Variants in MBD5 observed in about 807,000 individuals in gnomAD.
The protein encoded by MBD5 is methyl-CpG-binding domain protein 5.
MBD5 carries 13 observed loss-of-function variants against 117.3 expected under a neutral mutation model. The ratio of observed to expected loss-of-function variants is 0.11; its 90% confidence interval spans 0.07 to 0.18. MBD5 has a LOEUF of 0.18. MBD5 is among the 10% of genes least tolerant of loss of function. The pLI, the probability that MBD5 is intolerant of heterozygous loss-of-function variation, is 1.00. For synonymous variants in MBD5, 727 were observed against 766.4 expected (o/e 0.95, Z 0.85); for missense variants, 1,879 against 2,093.8 (o/e 0.90, Z 2.00).
At chr2:148,361,584 A>G (rs1703533953) in intron 4 of MBD5, among the ~76,000 whole-genome samples, 1 of 152,218 alleles carries the variant, frequency 6.6e-6, no homozygotes, top group Non-Finnish European at 1.5e-5. Context: ...GATCTAGGCT[A>G]TGAAACAAGA....
chr2:148,023,975 C>T (rs79155403), intron 1 of MBD5, among the ~76,000 whole-genome samples: 312 of 152,180 alleles, frequency 2.1e-3, no homozygotes, highest in African/African-American at 7.0e-3. Context: ...CTACCTATTG[C>T]TGAAGTTCTA....
intron 4 of MBD5, among the ~76,000 whole-genome samples, chr2:148,437,180 A>G (rs1352900718): frequency 2.6e-5 from 4 of 151,728 alleles, no homozygotes; most frequent in African/African-American, 9.7e-5. Context: ...ATGGGGTTTC[A>G]CCATATTAGC....
At chr2:148,429,647 C>T (rs1254878846) in intron 4 of MBD5, among the ~76,000 whole-genome samples, 5 of 152,070 alleles carry the variant, frequency 3.3e-5, no homozygotes, top group Non-Finnish European at 7.4e-5. Context: ...ACATATACAC[C>T]ATGGAATGCT....
intron 3 of MBD5, among the ~76,000 whole-genome samples, chr2:148,303,272 G>A (rs1487523078): frequency 6.6e-6 from 1 of 152,160 alleles, no homozygotes; most frequent in Non-Finnish European, 1.5e-5. Flanking sequence ...AGGTTGCCCT[G>A]CCAGAAAATC....
intron 1 of MBD5, chr2:148,054,352 A>T (rs1276383480): frequency 6.6e-6 from 1 of 152,254 alleles, no homozygotes; most frequent in African/African-American, 2.4e-5. Context: ...ATGAAATTTT[A>T]AAAGTTAGTT....
intron 3 of MBD5, among the ~76,000 whole-genome samples, chr2:148,255,389 C>T (rs115486952): frequency 0.013 from 1,955 of 152,254 alleles, 36 homozygotes; most frequent in African/African-American, 0.044. Context: ...CTGGCCATTC[C>T]CCTATGAGCA....
At chr2:148,309,484 TG>T (rs1479825652) in intron 3 of MBD5, among the ~76,000 whole-genome samples, 1 of 152,070 alleles carries the variant, frequency 6.6e-6, no homozygotes, top group Non-Finnish European at 1.5e-5. Context: ...GATTTTTGCA[TG>T]TTGACTTTGT....
chr2:148,384,473 C>A (rs372184377), intron 4 of MBD5, among the ~76,000 whole-genome samples: 1 of 152,006 alleles, frequency 6.6e-6, no homozygotes, highest in Non-Finnish European at 1.5e-5. Flanking sequence ...GATACAAACA[C>A]ATGGAAGAAC....
chr2:148,478,620 C>G (rs550903602), intron 8 of MBD5, among the ~76,000 whole-genome samples: 2 of 152,254 alleles, frequency 1.3e-5, no homozygotes, highest in Non-Finnish European at 2.9e-5. Flanking sequence ...CCTCATTGGA[C>G]TAGACTGTCT....
At chr2:148,323,025 G>A (rs1014824113) in intron 3 of MBD5, among the ~76,000 whole-genome samples, 1 of 145,164 alleles carries the variant, frequency 6.9e-6, no homozygotes, top group African/African-American at 2.5e-5. Flanking sequence ...TCCCCAGACT[G>A]TGATGTTCCC....
In MBD5 at chr2:148,514,956, A is replaced by G. The variant is rs1682310983; in HGVS notation, c.*2015A>G. The G allele has an allele frequency of 2.6e-5, 4 of 152,154 alleles. No homozygotes were observed. In the South Asian group the frequency reaches 6.2e-4, roughly 24 times the overall value. The allele number at this position is 152,154 out of a possible 1,614,324, so 9.4% of individuals were successfully genotyped here. A position where few individuals can be genotyped will look rare whatever the true frequency, so the allele number is the denominator to read the frequency against. The stretch of plus-strand genomic sequence containing the variant: ...GTAGGTTCATTTTGTCTCTCTTGTA[A>G]TGGTGGGATTGCCTGCCCAGTTCCT... On this transcript the variant is annotated 3_prime_UTR_variant, in exon 14 of 14. Transcript: ENST00000642680.
At chr2:148,134,234 A>AGATCGATC (rs55672306) in intron 1 of MBD5, among the ~76,000 whole-genome samples, 3 of 151,174 alleles carry the variant, frequency 2.0e-5, no homozygotes, top group African/African-American at 7.3e-5. Context: ...ATAGATAGAT[A>AGATCGATC]GATCGATCGA....
At chr2:148,441,861 G>C (rs1227278253) in intron 4 of MBD5, among the ~76,000 whole-genome samples, 1 of 152,152 alleles carries the variant, frequency 6.6e-6, no homozygotes, top group Admixed American at 6.5e-5. Context: ...GGCCAGTGAT[G>C]ATGAGTATTT....
intron 2 of MBD5, among the ~76,000 whole-genome samples, chr2:148,202,569 T>A (rs1056164450): frequency 2.0e-5 from 3 of 152,240 alleles, no homozygotes; most frequent in Non-Finnish European, 4.4e-5. Context: ...TTATAGATCA[T>A]ATTAAAGAAT....
intron 2 of MBD5, among the ~76,000 whole-genome samples, chr2:148,219,107 A>G (rs1410907479): frequency 6.6e-6 from 1 of 152,072 alleles, no homozygotes; most frequent in African/African-American, 2.4e-5. Context: ...GTGCAAAAAT[A>G]TTTTCTATTT....
rs557840365 is a variant in MBD5 at position 148,516,105 on chromosome 2, G to A, written c.*3164G>A. 6.6e-6 allele frequency: 1 copy of A among 152,244 alleles called. No homozygotes were observed. Among genetic ancestry groups the A allele is most frequent in the East Asian group, 1.9e-4 (1 of 5,176 alleles). The allele number at this position is 152,244 out of a possible 1,614,324, so 9.4% of individuals were successfully genotyped here. On this transcript the variant is annotated 3_prime_UTR_variant, in exon 14 of 14. Transcript: ENST00000642680. ...TATTTGAACGTAACACTGCAGAATT[G>A]CAGGAAGAGAAAAGGGCAGTTAGTT...
rs569443394 is a variant in MBD5, at chr2:148,164,287, T to A, written c.-924-14413T>A. Among the ~76,000 whole-genome samples, 3 of 152,240 alleles carry A rather than the reference T, an allele frequency of 2.0e-5. No individual in the cohort carries two copies. In the East Asian group the frequency reaches 5.8e-4, roughly 29 times the overall value. Reference sequence around the variant, plus strand: ...GGTTTGATACATGTAACAACTGTTATGCTACAGGCACCAACCATTCTGGCA... The same window carrying A: ...GGTTTGATACATGTAACAACTGTTAAGCTACAGGCACCAACCATTCTGGCA... On this transcript the variant is annotated intron_variant, in intron 1 of 13. Transcript: ENST00000642680.
chr2:148,029,173 T>C, intron 1 of MBD5, among the ~76,000 whole-genome samples: 1 of 152,152 alleles, frequency 6.6e-6, no homozygotes, highest in East Asian at 1.9e-4. Context: ...AAGAATACTT[T>C]TTTTAAAATT....
intron 3 of MBD5, among the ~76,000 whole-genome samples, chr2:148,245,450 G>A (rs149234831): frequency 4.2e-4 from 64 of 152,120 alleles, no homozygotes; most frequent in African/African-American, 1.4e-3. Flanking sequence ...AGCTGAGTGT[G>A]GTGGTGTGTG....
Sources: gnomAD v4.1 joint callset for allele counts (sites outside exome capture counted in the v4.1 genomes callset) on GRCh38, gnomAD v4.1.1 for gene constraint, MANE v1.5 for transcripts, NCBI Gene and HGNC (gene_info 2026-07-23, HGNC 2026-07-21) for gene names.